UBE2Z: variants seen among roughly 807,000 people sequenced by gnomAD.
UBE2Z encodes ubiquitin conjugating enzyme E2 Z.
A neutral mutation model predicts 32.6 loss-of-function variants in UBE2Z; 10 were observed. The ratio of observed to expected loss-of-function variants is 0.31; its 90% confidence interval spans 0.19 to 0.52. UBE2Z has a LOEUF of 0.52. Among genes scored for constraint, UBE2Z ranks in the 20% least tolerant of loss-of-function variants. The pLI is 0.97. For synonymous variants in UBE2Z, 183 were observed against 190.8 expected (o/e 0.96, Z 0.34); for missense variants, 343 against 480.9 (o/e 0.71, Z 2.68).
chr17:48,910,600 C>T, intron 1 of UBE2Z: 1 of 462,952 alleles, frequency 2.2e-6, no homozygotes, highest in East Asian at 3.1e-5. Flanking sequence ...GAAACAATGC[C>T]CTTTTGATAA....
chr17:48,922,495 G>T (rs1176506562), intron 5 of UBE2Z, among the ~76,000 whole-genome samples: 1 of 152,224 alleles, frequency 6.6e-6, no homozygotes, highest in Non-Finnish European at 1.5e-5. Context: ...GAGGCCAGGT[G>T]TGGTGGCTTG....
At chr17:48,918,795 G>A (rs1259551548) in intron 4 of UBE2Z, among the ~76,000 whole-genome samples, 1 of 141,274 alleles carries the variant, frequency 7.1e-6, no homozygotes, top group Non-Finnish European at 1.5e-5. Context: ...CACCCAGGCT[G>A]GAGTGCAGTG....
chr17:48,913,365 G>GT (rs1439683176), intron 3 of UBE2Z, among the ~76,000 whole-genome samples: 1 of 152,030 alleles, frequency 6.6e-6, no homozygotes, highest in Non-Finnish European at 1.5e-5. Context: ...GTTGTTTTTT[G>GT]TTTGTTTTGA....
rs1031418158 is a variant in UBE2Z, at chr17:48,910,802, A to G, written c.318-6A>G. ...CCTTCCCCCACCTCCTCTTGGTGTTATACAGGGATATCATGTCCATTTATA... is the reference window on the plus strand; with the variant it reads ...CCTTCCCCCACCTCCTCTTGGTGTTGTACAGGGATATCATGTCCATTTATA... On this transcript the variant is annotated splice_region_variant and splice_polypyrimidine_tract_variant and intron_variant, in intron 1 of 6. Transcript: ENST00000360943. The G allele has an allele frequency of 3.1e-6, 5 of 1,609,424 alleles. No homozygotes were observed. Among genetic ancestry groups the G allele is most frequent in the Non-Finnish European group, 4.3e-6 (5 of 1,176,038 alleles).
intron 3 of UBE2Z, among the ~76,000 whole-genome samples, chr17:48,914,817 G>C (rs1056863338): frequency 6.6e-6 from 1 of 152,146 alleles, no homozygotes; most frequent in African/African-American, 2.4e-5. Context: ...CTGAGGTCAG[G>C]AGTTCGAGAC....
chr17:48,924,621 A>G (rs1224286011), intron 6 of UBE2Z, among the ~76,000 whole-genome samples: 3 of 152,058 alleles, frequency 2.0e-5, no homozygotes, highest in Non-Finnish European at 4.4e-5. Context: ...AGAGGTGGAC[A>G]GATCTCTTGA....
In UBE2Z at chr17:48,915,871, C is replaced by CA. The variant is rs1555580015; in HGVS notation, c.579-205_579-204insA. 3.0e-5 allele frequency: 9 copies of CA among 303,872 alleles called. 1 individual carries two copies. Among genetic ancestry groups the CA allele is most frequent in the Non-Finnish European group, 5.4e-5 (9 of 165,660 alleles). The allele number at this position is 303,872 out of a possible 1,614,324, so 18.8% of individuals were successfully genotyped here. On this transcript the variant is annotated intron_variant, in intron 3 of 6. Coordinates refer to ENST00000360943, the MANE Select transcript of UBE2Z (RefSeq NM_023079.5). Reference sequence around the variant, plus strand: ...TGCTATTACCTGTTCTTTTGCCCCCCCCCCTTGATTTGAGGATTAGGCAAT... The same window carrying CA: ...TGCTATTACCTGTTCTTTTGCCCCCCACCCCTTGATTTGAGGATTAGGCAAT...
chr17:48,908,578 T>G lies in UBE2Z; in HGVS notation c.75T>G (p.Ala25=). 4 of 1,239,416 alleles carry G rather than the reference T, an allele frequency of 3.2e-6. No individual in the cohort carries two copies. The highest frequency in any genetic ancestry group is 3.1e-4 in the Middle Eastern group (1 of 3,264). 76.8% of individuals were successfully genotyped at this position (1,239,416 alleles called of 1,614,324 possible). A position where few individuals can be genotyped will look rare whatever the true frequency, so the allele number is the denominator to read the frequency against. ...GAAGPGASSV[A]GVVGVSGSGG... ...CGGGCCCCGGGGCGAGCAGCGTTGC[T>G]GGTGTTGTTGGCGTTAGCGGCAGCG... The change falls in exon 1 of 7, where the codon GCT becomes GCG. Residue 25 remains alanine, a synonymous_variant. Transcript: ENST00000360943.
intron 2 of UBE2Z, 33 bp from the exon 3 acceptor site, chr17:48,912,796 ATCACC>A: frequency 6.2e-7 from 1 of 1,610,092 alleles, no homozygotes; most frequent in Non-Finnish European, 8.5e-7. Context: ...GGGGTGGGTC[ATCACC>A]TCACAATTTT....
At chr17:48,925,917 A>G (rs1301645051) in intron 6 of UBE2Z, among the ~76,000 whole-genome samples, 3 of 152,232 alleles carry the variant, frequency 2.0e-5, no homozygotes, top group African/African-American at 4.8e-5. Context: ...GAAGCAAACA[A>G]TGTGAGAGGG....
chr17:48,910,417 A>G (rs1207048123), intron 1 of UBE2Z: 1 of 190,292 alleles, frequency 5.3e-6, no homozygotes, highest in East Asian at 1.3e-4. Flanking sequence ...TCCAGTTACT[A>G]AAAAATCTTC....
Position 48,916,069 on chromosome 17 carries a change from T to A in UBE2Z, c.579-7T>A. 1 of 1,581,256 alleles carries A rather than the reference T, an allele frequency of 6.3e-7. No individual in the cohort carries two copies. The highest frequency in any genetic ancestry group is 1.9e-5 in the Admixed American group (1 of 53,374). On this transcript the variant is annotated splice_polypyrimidine_tract_variant and splice_region_variant and intron_variant, in intron 3 of 6. Transcript: ENST00000360943. ...CTCACCCTCCATTCCTTCTGATGTG[T>A]TTACAGTACATGGACTGGACCTGCC...
intron 6 of UBE2Z, among the ~76,000 whole-genome samples, chr17:48,926,361 CCTAT>C (rs1294800576): frequency 6.6e-6 from 1 of 152,172 alleles, no homozygotes; most frequent in Non-Finnish European, 1.5e-5. Flanking sequence ...ATTTCTCATT[CCTAT>C]CTATCTCACC....
rs1363164263 is a variant in UBE2Z, at chr17:48,927,542, G to A, written c.*408G>A. 1 of 169,042 alleles carries A rather than the reference G, an allele frequency of 5.9e-6. No homozygotes were observed. Among genetic ancestry groups the A allele is most frequent in the Non-Finnish European group, 1.3e-5 (1 of 77,536 alleles). The allele number at this position is 169,042 out of a possible 1,614,324, so 10.5% of individuals were successfully genotyped here. On this transcript the variant is annotated 3_prime_UTR_variant, in exon 7 of 7. Coordinates refer to ENST00000360943, the MANE Select transcript of UBE2Z (RefSeq NM_023079.5). The stretch of plus-strand genomic sequence containing the variant: ...GGGGATACCTGGAAGGGAGCTTGGG[G>A]TGGGGGCTGTCTGTGACACTTAAGC...
At chr17:48,916,215 G>C (rs1311783352) in intron 4 of UBE2Z, 28 bp downstream of exon 4, 1 of 1,360,336 alleles carries the variant, frequency 7.4e-7, no homozygotes, top group Admixed American at 2.7e-5. Flanking sequence ...TGGCTCTGGG[G>C]TGTAGACTAT....
chr17:48,919,279 T>C (rs927561955), intron 4 of UBE2Z, among the ~76,000 whole-genome samples: 43 of 152,006 alleles, frequency 2.8e-4, no homozygotes, highest in African/African-American at 9.9e-4. Flanking sequence ...CTACCGCGCC[T>C]GGCCCATCAG....
At position 48,908,500 on chromosome 17, in the gene UBE2Z, A is replaced by G. The variant is rs2040645918; in HGVS notation, c.-4A>G. On this transcript the variant is annotated 5_prime_UTR_variant, in exon 1 of 7. Coordinates refer to ENST00000360943, the MANE Select transcript of UBE2Z (RefSeq NM_023079.5). ...TGCCGAGTAGTCCCGGAAGCGAAGC[A>G]GCGATGGCGGAGAGTCCGACTGAGG... is the stretch of plus-strand genomic sequence containing the variant. 4.9e-6 allele frequency: 6 copies of G among 1,233,692 alleles called. No homozygotes were observed. In the East Asian group the frequency reaches 1.3e-4, roughly 26 times the overall value. The allele number at this position is 1,233,692 out of a possible 1,614,324, so 76.4% of individuals were successfully genotyped here.
In UBE2Z at chr17:48,916,071, T is replaced by C; in HGVS notation, c.579-5T>C. On this transcript the variant is annotated splice_polypyrimidine_tract_variant and splice_region_variant and intron_variant, in intron 3 of 6. Transcript: ENST00000360943. ...CACCCTCCATTCCTTCTGATGTGTT[T>C]ACAGTACATGGACTGGACCTGCCTG... 1 of 1,582,528 alleles carries C rather than the reference T, an allele frequency of 6.3e-7. No homozygotes were observed. The highest frequency in any genetic ancestry group is 8.6e-7 in the Non-Finnish European group (1 of 1,166,780).
chr17:48,913,653 C>T (rs1324672063), intron 3 of UBE2Z, among the ~76,000 whole-genome samples: 2 of 152,024 alleles, frequency 1.3e-5, no homozygotes, highest in African/African-American at 4.8e-5. Flanking sequence ...GTGCCCGGCC[C>T]AGAAATCTGT....
Sources: gnomAD v4.1 joint callset for allele counts (sites outside exome capture counted in the v4.1 genomes callset) on GRCh38, gnomAD v4.1.1 for gene constraint, MANE v1.5 for transcripts, NCBI Gene and HGNC (gene_info 2026-07-23, HGNC 2026-07-21) for gene names.